SYN2: variants seen among roughly 807,000 people sequenced by gnomAD.
The protein encoded by SYN2 is synapsin II.
A neutral mutation model predicts 50.9 loss-of-function variants in SYN2; 19 were observed. The ratio of observed to expected loss-of-function variants is 0.37; its 90% CI spans 0.26 to 0.55. The LOEUF is 0.55. Among genes scored for constraint, SYN2 ranks in the 20% least tolerant of loss-of-function variants. The pLI is 0.81. For missense variants in SYN2, 587 were observed against 576.4 expected, an observed-to-expected ratio of 1.02 and a Z score of -0.19; for synonymous variants, 255 against 224.9, an observed-to-expected ratio of 1.13 and a Z score of -1.20.
At chr3:12,046,491 A>C (rs1044974511) in intron 1 of SYN2, among the ~76,000 whole-genome samples, 1 of 152,198 alleles carries the variant, frequency 6.6e-6, no homozygotes, top group Admixed American at 6.5e-5. Context: ...AGGATTTTGC[A>C]CTTTATTCTC....
rs186299754 is a variant in SYN2, at chr3:12,052,874, A to G, written c.377+47946A>G. ...ATGCTAAGTTAGGAGATTTGAACTC[A>G]CATCCTACTTATCTTCCTTTGACCC... On this transcript the variant is annotated intron_variant, in intron 1 of 12. Coordinates refer to ENST00000621198, the MANE Select transcript of SYN2 (RefSeq NM_133625.6). Among the ~76,000 whole-genome samples, 38 of 152,298 alleles carry G rather than the reference A, an allele frequency of 2.5e-4. No homozygotes were observed. In the South Asian group the frequency reaches 5.2e-3, roughly 21 times the overall value.
chr3:12,070,998 G>C lies in SYN2; in HGVS notation c.377+66070G>C, dbSNP rs1240240767. Reference sequence around the variant, plus strand: ...TGGTCATCACCATTGGCAACAAGTGGTCCTGGTGTCTGGAGGCGCTGTTAT... The same window carrying C: ...TGGTCATCACCATTGGCAACAAGTGCTCCTGGTGTCTGGAGGCGCTGTTAT... On this transcript the variant is annotated intron_variant, in intron 1 of 12. Transcript: ENST00000621198. The C allele has an allele frequency of 3.6e-5, 20 of 549,910 alleles. No homozygotes were observed. In the East Asian group the frequency reaches 9.0e-4, roughly 25 times the overall value. The allele number at this position is 549,910 out of a possible 1,614,324, so 34.1% of individuals were successfully genotyped here.
intron 1 of SYN2, among the ~76,000 whole-genome samples, chr3:12,131,341 G>A (rs1348108550): frequency 6.6e-6 from 1 of 152,194 alleles, no homozygotes; most frequent in African/African-American, 2.4e-5. Flanking sequence ...TGGTGACAGC[G>A]GTGACTGTGG....
intron 5 of SYN2, chr3:12,157,313 C>G (rs1179731478): frequency 8.3e-6 from 12 of 1,438,810 alleles, no homozygotes; most frequent in Non-Finnish European, 1.2e-5. Flanking sequence ...AAGCTACCAG[C>G]CCTCCCAGAA....
intron 3 of SYN2, 68 bp downstream of exon 3, chr3:12,142,064 G>C: frequency 1.3e-6 from 1 of 769,706 alleles, no homozygotes; most frequent in Non-Finnish European, 2.4e-6. Flanking sequence ...GCCCAAAGAG[G>C]TGGTTTCTAA....
At chr3:12,020,059 T>C (rs1260994554) in intron 1 of SYN2, among the ~76,000 whole-genome samples, 3 of 152,206 alleles carry the variant, frequency 2.0e-5, no homozygotes, top group African/African-American at 4.8e-5. Flanking sequence ...AATTTAAAGA[T>C]CGTCTCCTTT....
At chr3:12,170,293 G>C (rs1697910212) in intron 10 of SYN2, among the ~76,000 whole-genome samples, 1 of 152,208 alleles carries the variant, frequency 6.6e-6, no homozygotes, top group Admixed American at 6.5e-5. Flanking sequence ...GCTTCACTGT[G>C]TTGAGCCTGC....
At chr3:12,182,588 G>A (rs1013263170) in intron 10 of SYN2, among the ~76,000 whole-genome samples, 2 of 152,140 alleles carry the variant, frequency 1.3e-5, no homozygotes, top group African/African-American at 2.4e-5. Flanking sequence ...GGCCTTGAGC[G>A]CTGTTACAAA....
intron 1 of SYN2, among the ~76,000 whole-genome samples, chr3:12,100,380 G>A (rs1242234165): frequency 2.6e-5 from 4 of 152,106 alleles, no homozygotes; most frequent in Admixed American, 6.6e-5. Context: ...AAAATAATTC[G>A]ATGAAGGAAC....
intron 11 of SYN2, 41 bp downstream of exon 11, chr3:12,183,413 A>G (rs752078448): frequency 3.7e-6 from 6 of 1,613,344 alleles, no homozygotes; most frequent in Non-Finnish European, 8.5e-7. Context: ...GCATTGCAGT[A>G]GGGCCAAAAC....
In SYN2 at chr3:12,079,886, C is replaced by CT. The variant is rs560667023; in HGVS notation, c.378-60757dup. Reference sequence around the variant, plus strand: ...AGTTTCAGAAGAAAGGGTATCAGCTCTTTTTTTTACCTCTGTTAGAATTCA... The same window carrying CT: ...AGTTTCAGAAGAAAGGGTATCAGCTCTTTTTTTTTACCTCTGTTAGAATTCA... On this transcript the variant is annotated intron_variant, in intron 1 of 12. Transcript: ENST00000621198. Among the ~76,000 whole-genome samples, 119 of 151,982 alleles carry CT rather than the reference C, an allele frequency of 7.8e-4. 2 individuals are homozygous for CT. Among genetic ancestry groups the CT allele is most frequent in the Non-Finnish European group, 1.3e-3 (87 of 67,946 alleles).
At chr3:12,163,920 T>C (rs1697719282) in intron 7 of SYN2, among the ~76,000 whole-genome samples, 1 of 151,886 alleles carries the variant, frequency 6.6e-6, no homozygotes, top group South Asian at 2.1e-4. Flanking sequence ...CTACAAAAAA[T>C]ACAAAAATTA....
chr3:12,008,822 CAA>C (rs1483308315), intron 1 of SYN2, among the ~76,000 whole-genome samples: 1 of 152,136 alleles, frequency 6.6e-6, no homozygotes, highest in African/African-American at 2.4e-5. Flanking sequence ...GAATTGGAAT[CAA>C]AAGAGATAGG....
At chr3:12,124,706 G>A (rs1696628387) in intron 1 of SYN2, among the ~76,000 whole-genome samples, 2 of 152,090 alleles carry the variant, frequency 1.3e-5, no homozygotes, top group Admixed American at 1.3e-4. Flanking sequence ...ATATAAAATA[G>A]CATCACTTAT....
At chr3:12,038,443 C>A (rs1211042650) in intron 1 of SYN2, among the ~76,000 whole-genome samples, 2 of 151,978 alleles carry the variant, frequency 1.3e-5, no homozygotes, top group African/African-American at 4.8e-5. Context: ...TTAGGATCAA[C>A]TTGTGAATTT....
chr3:12,140,076 C>CA (rs564306884), intron 1 of SYN2, among the ~76,000 whole-genome samples: 1 of 152,336 alleles, frequency 6.6e-6, no homozygotes, highest in South Asian at 2.1e-4. Flanking sequence ...TGGCTTCCCT[C>CA]AGTCTTTTCC....
At chr3:12,046,991 G>A (rs1008517052) in intron 1 of SYN2, among the ~76,000 whole-genome samples, 4 of 152,016 alleles carry the variant, frequency 2.6e-5, no homozygotes, top group Non-Finnish European at 4.4e-5. Context: ...TGGGTGTATG[G>A]GTTTGAACTT....
chr3:12,102,460 G>C (rs1696099144), intron 1 of SYN2, among the ~76,000 whole-genome samples: 1 of 152,006 alleles, frequency 6.6e-6, no homozygotes. Context: ...CATGAAACAA[G>C]GATTATTATG....
intron 1 of SYN2, among the ~76,000 whole-genome samples, chr3:12,092,601 C>G (rs1695853490): frequency 6.6e-6 from 1 of 152,116 alleles, no homozygotes; most frequent in South Asian, 2.1e-4. Context: ...TTAGCTATAC[C>G]ACTTATTTGG....
Sources: gnomAD v4.1 joint callset for allele counts (sites outside exome capture counted in the v4.1 genomes callset) on GRCh38, gnomAD v4.1.1 for gene constraint, MANE v1.5 for transcripts, NCBI Gene and HGNC (gene_info 2026-07-23, HGNC 2026-07-21) for gene names.